SEPSECS: variants seen among roughly 807,000 people sequenced by gnomAD.
SEPSECS encodes the protein Sep (O-phosphoserine) tRNA:Sec (selenocysteine) tRNA synthase.
Under a neutral mutation model 52.1 loss-of-function variants are expected in SEPSECS, and 42 were observed. The ratio of observed to expected loss-of-function variants is 0.81; its 90% CI spans 0.63 to 1.04. SEPSECS has a LOEUF of 1.04. Ranked by LOEUF, SEPSECS falls within the 50% of genes least tolerant of loss-of-function variation. The pLI is 0.00. For missense variants in SEPSECS, 590 were observed against 610.6 expected (o/e 0.97, Z 0.36); for synonymous variants, 216 against 211.4 (o/e 1.02, Z -0.19).
chr4:25,133,948 T>C (rs114739344), intron 8 of SEPSECS, among the ~76,000 whole-genome samples: 5,315 of 150,900 alleles, frequency 0.035, 140 homozygotes, highest in Middle Eastern at 0.076. Context: ...ACCCTGTCTC[T>C]ACAAAAAGTA....
chr4:25,131,226 G>A (rs774179805), intron 8 of SEPSECS, among the ~76,000 whole-genome samples: 12 of 152,128 alleles, frequency 7.9e-5, no homozygotes, highest in Non-Finnish European at 1.5e-4. Context: ...ATCCAAAGAT[G>A]TGCATAATTC....
intron 6 of SEPSECS, among the ~76,000 whole-genome samples, chr4:25,147,597 C>A (rs2109024542): frequency 6.6e-6 from 1 of 152,192 alleles, no homozygotes; most frequent in East Asian, 1.9e-4. Flanking sequence ...TTAATCTATC[C>A]TAACATCCAT....
rs141199115 is a variant in SEPSECS, at chr4:25,144,840, T to C, written c.960A>G (p.Leu320=). 22 of 1,612,978 alleles carry C rather than the reference T, an allele frequency of 1.4e-5. No individual in the cohort carries two copies. In the African/African-American group the frequency reaches 1.7e-4, roughly 13 times the overall value. The part of the protein sequence containing the change: ...YPGRASASPS[L]DVLITLLSLG... ...GTGACAATAAAGTAATAAGGACATC[T>C]AAAGAAGGTGAAGCTGAAGCTCTTC... Residue 320 remains leucine (L), a synonymous_variant, in exon 8 of 11, where the codon TTA becomes TTG. Coordinates refer to ENST00000382103, the MANE Select transcript of SEPSECS (RefSeq NM_016955.4).
At position 25,120,115 on chromosome 4, in the gene SEPSECS, G is replaced by A. The variant is rs1408975670; in HGVS notation, c.*3816C>T. ...TTTTTGGAAACATCTTTTCCTTTTG[G>A]TAAAACAGGTTAGCAGGCTGACATC... On this transcript the variant is annotated 3_prime_UTR_variant, in exon 11 of 11. Coordinates refer to ENST00000382103, the MANE Select transcript of SEPSECS (RefSeq NM_016955.4). 1.3e-5 allele frequency: 2 copies of A among 151,794 alleles called. No individual in the cohort carries two copies. The highest frequency in any genetic ancestry group is 4.8e-5 in the African/African-American group (2 of 41,336). The allele number at this position is 151,794 out of a possible 1,614,324, so 9.4% of individuals were successfully genotyped here.
In SEPSECS at chr4:25,156,079, G is replaced by A; in HGVS notation, c.505C>T (p.Arg169Ter). 3 of 1,613,806 alleles carry A rather than the reference G, an allele frequency of 1.9e-6. No homozygotes were observed. The highest frequency in any genetic ancestry group is 2.5e-6 in the Non-Finnish European group (3 of 1,179,858). ...TTAAAGCAGGACTTCTGGTCTATTC[G>A]TGGCCATATAATATACTTTGCCTTT... is the stretch of plus-strand genomic sequence containing the variant. The part of the protein sequence containing the change: ...RPKAKYIIWP[R>*]IDQKSCFKSM... The change falls in exon 4 of 11, where the codon CGA becomes TGA. Residue 169 changes from arginine to a stop codon, truncating the protein, a stop_gained. Coordinates refer to ENST00000382103, the MANE Select transcript of SEPSECS (RefSeq NM_016955.4). LOFTEE classifies it high-confidence loss of function.
intron 8 of SEPSECS, among the ~76,000 whole-genome samples, chr4:25,131,968 TAC>T (rs1246685971): frequency 6.6e-6 from 1 of 152,186 alleles, no homozygotes; most frequent in Non-Finnish European, 1.5e-5. Context: ...AACTAAAAGA[TAC>T]AGTCTTACAT....
At chr4:25,142,967 G>A (rs768753962) in intron 8 of SEPSECS, among the ~76,000 whole-genome samples, 3 of 152,120 alleles carry the variant, frequency 2.0e-5, no homozygotes, top group Non-Finnish European at 2.9e-5. Flanking sequence ...AGGACGAAAC[G>A]ACTAGTTATA....
chr4:25,128,232 A>C (rs894677113), intron 8 of SEPSECS, among the ~76,000 whole-genome samples: 2 of 152,204 alleles, frequency 1.3e-5, no homozygotes, highest in Non-Finnish European at 2.9e-5. Flanking sequence ...TGTCTTCTTC[A>C]CCACCGTTGC....
chr4:25,150,988 A>G (rs1225609314), intron 6 of SEPSECS, among the ~76,000 whole-genome samples: 1 of 152,166 alleles, frequency 6.6e-6, no homozygotes, highest in Non-Finnish European at 1.5e-5. Context: ...ACCCTATCTC[A>G]AAAAAATAAA....
At chr4:25,137,694 A>G (rs1728897996) in intron 8 of SEPSECS, among the ~76,000 whole-genome samples, 2 of 152,180 alleles carry the variant, frequency 1.3e-5, no homozygotes, top group Admixed American at 6.5e-5. Flanking sequence ...ATGCCATTCG[A>G]CCCAGCAATC....
At chr4:25,156,334 G>A (rs568135642) in intron 3 of SEPSECS, 139 bp from the exon 4 acceptor site, 129 of 671,060 alleles carry the variant, frequency 1.9e-4, no homozygotes, top group Middle Eastern at 5.8e-4. Flanking sequence ...CTCTTGGAAA[G>A]CTCAATGCCA....
At chr4:25,144,159 T>C (rs1711801523) in intron 8 of SEPSECS, among the ~76,000 whole-genome samples, 1 of 151,822 alleles carries the variant, frequency 6.6e-6, no homozygotes, top group African/African-American at 2.4e-5. Flanking sequence ...GCCAACATAG[T>C]GAAACCCCGT....
intron 8 of SEPSECS, among the ~76,000 whole-genome samples, chr4:25,136,923 C>A (rs2109013878): frequency 6.6e-6 from 1 of 152,198 alleles, no homozygotes; most frequent in South Asian, 2.1e-4. Flanking sequence ...CATCTACAAC[C>A]ATCTGATCTT....
At chr4:25,146,160 C>T (rs776242089) in intron 6 of SEPSECS, among the ~76,000 whole-genome samples, 7 of 152,216 alleles carry the variant, frequency 4.6e-5, no homozygotes, top group Non-Finnish European at 8.8e-5. Context: ...TCTGTAGCCA[C>T]AGATTTTCAA....
intron 6 of SEPSECS, among the ~76,000 whole-genome samples, chr4:25,150,673 A>G (rs2109027627): frequency 6.6e-6 from 1 of 152,316 alleles, no homozygotes; most frequent in South Asian, 2.1e-4. Flanking sequence ...GCATCTTAAA[A>G]TCAATGAACA....
At chr4:25,158,857 G>T in intron 2 of SEPSECS, 96 bp downstream of exon 2, 1 of 1,262,644 alleles carries the variant, frequency 7.9e-7, no homozygotes, top group South Asian at 1.2e-5. Flanking sequence ...TTTACAAACT[G>T]ACATTTGATA....
At chr4:25,156,794 G>A (rs1230553499) in intron 3 of SEPSECS, 62 bp downstream of exon 3, 2 of 715,576 alleles carry the variant, frequency 2.8e-6, no homozygotes, top group Non-Finnish European at 5.1e-6. Context: ...TAAATGAAAT[G>A]AGTCAGTGGT....
At chr4:25,128,286 T>C (rs982516828) in intron 8 of SEPSECS, among the ~76,000 whole-genome samples, 52 of 152,180 alleles carry the variant, frequency 3.4e-4, no homozygotes, top group Non-Finnish European at 8.8e-5. Context: ...ATGCAAGTTA[T>C]TTAGGAAAAG....
chr4:25,151,421 C>T lies in SEPSECS; in HGVS notation c.804+539G>A, dbSNP rs551783949. ...TCAGCAAAGGCCTGAATACACAAAG[C>T]CTTGTAGGCCATAGTTCTTATTATA... On this transcript the variant is annotated intron_variant, in intron 6 of 10. Transcript: ENST00000382103. Among the ~76,000 whole-genome samples the T allele has an allele frequency of 1.2e-4, 19 of 152,224 alleles. No homozygotes were observed. The South Asian group carries it at 3.3e-3, about 27-fold the overall frequency.
Sources: allele counts gnomAD v4.1 joint callset (sites outside exome capture counted in the v4.1 genomes callset), GRCh38; gene constraint gnomAD v4.1.1; transcripts MANE v1.5; gene names NCBI Gene and HGNC (gene_info 2026-07-23, HGNC 2026-07-21).